Variants in VPS8 observed in about 807,000 individuals in gnomAD.
The protein encoded by VPS8 is VPS8 subunit of CORVET complex.
Under a neutral mutation model 216.4 loss-of-function variants are expected in VPS8, and 129 were observed. The observed-to-expected ratio is 0.60, with a 90% CI of 0.52 to 0.69. The LOEUF is 0.69. Among genes scored for constraint, VPS8 ranks in the 30% least tolerant of loss-of-function variants. The probability of loss-of-function intolerance (pLI) is 0.00; values close to 1 mark genes in which losing one functional copy is unlikely to be tolerated. For missense variants in VPS8, 1,531 were observed against 1,683.5 expected (o/e 0.91, Z 1.59); for synonymous variants, 571 against 565.4 (o/e 1.01, Z -0.14).
intron 42 of VPS8, among the ~76,000 whole-genome samples, chr3:184,990,793 T>G (rs1471931383): frequency 6.6e-6 from 1 of 152,164 alleles, no homozygotes; most frequent in Non-Finnish European, 1.5e-5. Context: ...GTTACTTAGA[T>G]GCACAATTGC....
At chr3:184,826,594 A>G (rs1180198123) in intron 3 of VPS8, among the ~76,000 whole-genome samples, 1 of 152,254 alleles carries the variant, frequency 6.6e-6, no homozygotes, top group East Asian at 1.9e-4. Flanking sequence ...CTCTGTGCCC[A>G]GAACAATGCC....
In VPS8 at chr3:184,866,935, T is replaced by A. The variant is rs1214311282; in HGVS notation, c.1455T>A (p.Phe485Leu). 1 of 1,613,236 alleles carries A rather than the reference T, an allele frequency of 6.2e-7. No homozygotes were observed. Among genetic ancestry groups the A allele is most frequent in the South Asian group, 1.1e-5 (1 of 90,878 alleles). The change falls in exon 17 of 48, where the codon TTT becomes TTA. Residue 485 changes from phenylalanine to leucine, a missense_variant. Physicochemically the swap from Phe to Leu is conservative, Grantham distance 22. This residue lies in a region of VPS8 where 1,318 missense variants were observed against 1,468.4 expected (regional missense o/e 0.90). Transcript: ENST00000625842. ...QSISSYGGQI[F>L]YLGTKSVYVM... ...TCAGTAGCTATGGTGGTCAGATCTT[T>A]TATTTGGGGACAAAAGTAAGCTCTT... is the stretch of plus-strand genomic sequence containing the variant.
chr3:184,826,194 T>A lies in VPS8; in HGVS notation c.185T>A (p.Val62Asp). The change falls in exon 3 of 48, where the codon GTT becomes GAT. Residue 62 changes from valine to aspartate, a missense_variant. Physicochemically the swap from Val to Asp is radical, Grantham distance 152. This residue lies in a region of VPS8 where 199 missense variants were observed against 182.2 expected (regional missense o/e 1.09). Transcript: ENST00000625842. The part of the protein sequence containing the change: ...IDDKEFDIPQ[V>D]DTPPTLESIL... Reference sequence around the variant, plus strand: ...GACAAGGAGTTTGATATTCCTCAAGTTGATACTCCTCCAACACTGGAAAGC... The same window carrying A: ...GACAAGGAGTTTGATATTCCTCAAGATGATACTCCTCCAACACTGGAAAGC... The A allele has an allele frequency of 1.2e-6, 2 of 1,611,614 alleles. No individual in the cohort carries two copies. Among genetic ancestry groups the A allele is most frequent in the Non-Finnish European group, 1.7e-6 (2 of 1,178,850 alleles).
rs371066044 is a variant in VPS8 at position 184,862,986 on chromosome 3, G to A, written c.1314G>A (p.Val438=). Residue 438 remains valine (V), a synonymous_variant, in exon 16 of 48, where the codon GTG becomes GTA. Transcript: ENST00000625842. ...AAACACAAGAGGAATTGGAGACAGTGGAGATCTCAGAAGTTCAGCTGGTCT... is the reference window on the plus strand; with the variant it reads ...AAACACAAGAGGAATTGGAGACAGTAGAGATCTCAGAAGTTCAGCTGGTCT... ...DRQTQEELET[V]EISEVQLVYN... The A allele has an allele frequency of 6.8e-6, 11 of 1,613,838 alleles. No individual in the cohort carries two copies. In the African/African-American group the frequency reaches 1.2e-4, roughly 18 times the overall value.
chr3:184,860,466 CAT>C (rs1309486184), intron 15 of VPS8, among the ~76,000 whole-genome samples: 134 of 70,546 alleles, frequency 1.9e-3, no homozygotes, highest in Admixed American at 4.2e-3. Context: ...TATACACACA[CAT>C]ACACACACAC....
At chr3:184,927,820 A>G (rs1739943439) in intron 31 of VPS8, among the ~76,000 whole-genome samples, 1 of 152,162 alleles carries the variant, frequency 6.6e-6, no homozygotes, top group Non-Finnish European at 1.5e-5. Flanking sequence ...TGCAGTCACA[A>G]TACTCGTTCT....
At chr3:184,994,834 G>C (rs1190593380) in intron 43 of VPS8, among the ~76,000 whole-genome samples, 1 of 152,208 alleles carries the variant, frequency 6.6e-6, no homozygotes. Context: ...GTTTACAAAA[G>C]AAAGAGGTTT....
intron 37 of VPS8, among the ~76,000 whole-genome samples, chr3:184,959,708 G>T (rs1746175529): frequency 6.6e-6 from 1 of 151,932 alleles, no homozygotes; most frequent in Non-Finnish European, 1.5e-5. Context: ...TTTTCCATTG[G>T]GGTTTGGGAA....
intron 21 of VPS8, among the ~76,000 whole-genome samples, chr3:184,884,534 C>T (rs1730857587): frequency 6.6e-6 from 1 of 152,182 alleles, no homozygotes; most frequent in Admixed American, 6.5e-5. Flanking sequence ...GTCTTGATTA[C>T]AGATTCTTGG....
intron 36 of VPS8, among the ~76,000 whole-genome samples, chr3:184,942,305 A>G (rs934696109): frequency 1.3e-5 from 2 of 152,234 alleles, no homozygotes; most frequent in Admixed American, 6.5e-5. Flanking sequence ...AGTAAACCAC[A>G]GATCATTTTA....
intron 40 of VPS8, 30 bp from the exon 41 acceptor site, chr3:184,982,536 C>T: frequency 1.3e-6 from 2 of 1,551,436 alleles, no homozygotes; most frequent in Non-Finnish European, 1.8e-6. Flanking sequence ...GACCACTTTT[C>T]TTTTTCTTTG....
intron 25 of VPS8, among the ~76,000 whole-genome samples, chr3:184,907,449 T>G (rs1285825916): frequency 6.6e-6 from 1 of 152,220 alleles, no homozygotes; most frequent in Non-Finnish European, 1.5e-5. Flanking sequence ...CTATCTTATT[T>G]AGGGATAGAA....
intron 1 of VPS8, among the ~76,000 whole-genome samples, chr3:184,816,778 C>T (rs761477534): frequency 2.6e-5 from 4 of 152,174 alleles, no homozygotes; most frequent in South Asian, 2.1e-4. Flanking sequence ...GCACAGGTGA[C>T]GTGAACTGCT....
chr3:184,849,784 G>A (rs1723909152), intron 9 of VPS8, 152 bp from the exon 10 acceptor site: 3 of 644,024 alleles, frequency 4.7e-6, no homozygotes, highest in Non-Finnish European at 8.2e-6. Flanking sequence ...ATGCTTTAAT[G>A]GATCTGCAAC....
chr3:184,928,241 G>C (rs578224492), intron 31 of VPS8, among the ~76,000 whole-genome samples: 20 of 152,258 alleles, frequency 1.3e-4, no homozygotes, highest in African/African-American at 4.6e-4. Flanking sequence ...TTGGAAAGCA[G>C]AGCCATTTAT....
intron 45 of VPS8, among the ~76,000 whole-genome samples, chr3:185,005,615 AT>A (rs1318470222): frequency 1.3e-5 from 2 of 148,476 alleles, no homozygotes; most frequent in African/African-American, 2.5e-5. Context: ...ATTCCTAAGT[AT>A]TTTATTTATT....
At chr3:184,868,717 T>C (rs1727805901) in intron 18 of VPS8, among the ~76,000 whole-genome samples, 1 of 152,236 alleles carries the variant, frequency 6.6e-6, no homozygotes, top group Non-Finnish European at 1.5e-5. Context: ...TCCAGCTATT[T>C]CCCCTTTTCA....
chr3:184,999,565 T>C (rs1187689292), intron 44 of VPS8, 131 bp from the exon 45 acceptor site: 2 of 1,110,424 alleles, frequency 1.8e-6, no homozygotes, highest in East Asian at 5.3e-5. Context: ...CTTTCTTGTT[T>C]CTTACCCTGT....
chr3:184,867,764 TG>T (rs1404689678), intron 17 of VPS8, among the ~76,000 whole-genome samples: 2 of 152,216 alleles, frequency 1.3e-5, no homozygotes, highest in African/African-American at 4.8e-5. Flanking sequence ...GAGAATCATT[TG>T]AACCCCGGAG....
Sources: gnomAD v4.1 joint callset for allele counts (sites outside exome capture counted in the v4.1 genomes callset) on GRCh38, gnomAD v4.1.1 for gene constraint, gnomAD v4.1.1 regional missense constraint, MANE v1.5 for transcripts, NCBI Gene and HGNC (gene_info 2026-07-23, HGNC 2026-07-21) for gene names.